Variants in ANKRD26 observed in about 807,000 individuals in gnomAD.
ANKRD26 encodes ankyrin repeat domain 26, also known as ankyrin repeat domain-containing protein 26.
Under a neutral mutation model 208.7 loss-of-function variants are expected in ANKRD26, and 141 were observed. The ratio of observed to expected loss-of-function variants is 0.68; its 90% confidence interval spans 0.59 to 0.78. The LOEUF (loss-of-function observed/expected upper bound fraction) is 0.78, where lower values mean the gene tolerates loss of function less well. Ranked by LOEUF, ANKRD26 falls within the 30% of genes least tolerant of loss-of-function variation. The pLI, the probability that ANKRD26 is intolerant of heterozygous loss-of-function variation, is 0.00. For missense variants in ANKRD26, 1,889 were observed against 1,938.7 expected (o/e 0.97, Z 0.48); for synonymous variants, 636 against 660.4 (o/e 0.96, Z 0.57).
At chr10:27,071,078 G>GT (rs2055469160) in intron 9 of ANKRD26, among the ~76,000 whole-genome samples, 1 of 151,222 alleles carries the variant, frequency 6.6e-6, no homozygotes, top group Admixed American at 6.6e-5. Context: ...TGGTGTATGC[G>GT]TATGTGTCCA....
intron 11 of ANKRD26, 81 bp downstream of exon 11, chr10:27,066,406 G>C: frequency 8.8e-7 from 1 of 1,135,274 alleles, no homozygotes. Context: ...AGGTAAAAAA[G>C]TCAAGTCAAA....
At chr10:26,974,130 A>T (rs2052189407) in exon 6 of ANKRD26, among the ~76,000 whole-genome samples, 1 of 152,094 alleles carries the variant, frequency 6.6e-6, no homozygotes, top group African/African-American at 2.4e-5. Context: ...AATAAGACCT[A>T]AATTGAATAT....
Position 27,082,800 on chromosome 10 carries a change from T to G in ANKRD26, c.740+3A>C. ...ATATTTTTAAAAATCTGTAAAATAC[T>G]ACCTGCTTAAGGAGTCTTCAGAGCT... On this transcript the variant is annotated splice_donor_region_variant and intron_variant, in intron 6 of 33. Coordinates refer to ENST00000376087, the MANE Select transcript of ANKRD26 (RefSeq NM_014915.3). 1 of 1,584,574 alleles carries G rather than the reference T, an allele frequency of 6.3e-7. No individual in the cohort carries two copies. The highest frequency in any genetic ancestry group is 1.1e-5 in the South Asian group (1 of 87,360).
At chr10:26,991,164 C>T (rs1413264207), downstream of ANKRD26, among the ~76,000 whole-genome samples, 3 of 152,184 alleles carry the variant, frequency 2.0e-5, no homozygotes, top group Non-Finnish European at 2.9e-5. Context: ...CTCAGCAAAT[C>T]GTCCCATCGT....
intron 28 of ANKRD26, among the ~76,000 whole-genome samples, chr10:27,024,040 A>C (rs2053581110): frequency 6.6e-6 from 1 of 151,972 alleles, no homozygotes; most frequent in Admixed American, 6.6e-5. Context: ...AGCTAAATCA[A>C]GATAATTTTT....
chr10:27,084,510 C>A (rs2056043615), intron 5 of ANKRD26, among the ~76,000 whole-genome samples: 1 of 152,116 alleles, frequency 6.6e-6, no homozygotes, highest in Admixed American at 6.5e-5. Flanking sequence ...TGTCTTCATG[C>A]AGTTCAGATT....
intron 21 of ANKRD26, among the ~76,000 whole-genome samples, chr10:27,038,494 AC>A (rs1186882965): frequency 1.3e-5 from 2 of 152,010 alleles, no homozygotes; most frequent in Non-Finnish European, 2.9e-5. Context: ...TACTAAAAAT[AC>A]AAAAAATTAG....
chr10:27,056,462 C>A (rs1353138337), intron 15 of ANKRD26, among the ~76,000 whole-genome samples: 3 of 151,710 alleles, frequency 2.0e-5, no homozygotes, highest in Non-Finnish European at 4.4e-5. Flanking sequence ...ACAGGTGTGA[C>A]CCAGCCAAAA....
chr10:26,975,402 C>CTTTTTTTT (rs60226106), exon 6 of ANKRD26, among the ~76,000 whole-genome samples: 20,437 of 88,826 alleles, frequency 0.23, 3,769 homozygotes, highest in African/African-American at 0.42. Context: ...CTAATTTTTG[C>CTTTTTTTT]TTTTTTTTTT....
chr10:27,024,478 T>G lies in ANKRD26; in HGVS notation c.4054A>C (p.Lys1352Gln). Residue 1352 changes from lysine (K) to glutamine (Q), a missense_variant, in exon 28 of 34, where the codon AAA becomes CAA. Around this residue, in one of 3 missense-constraint regions of ANKRD26, gnomAD observed 613 missense variants for 648.2 expected, o/e 0.95. Transcript: ENST00000376087. ...ATCTCTCTTTCTAATTCAACATTTT[T>G]CTTCATTTCTTGATCCAAATTACAT... ...LECNLDQEMK[K>Q]NVELEREITG... 1 of 1,563,652 alleles carries G rather than the reference T, an allele frequency of 6.4e-7. No individual in the cohort carries two copies. The highest frequency in any genetic ancestry group is 8.8e-7 in the Non-Finnish European group (1 of 1,138,174).
intron 23 of ANKRD26, 70 bp downstream of exon 23, chr10:27,037,116 T>C: frequency 6.6e-7 from 1 of 1,517,274 alleles, no homozygotes; most frequent in Non-Finnish European, 9.0e-7. Flanking sequence ...TATAGTTGGT[T>C]TTTAAAATAT....
chr10:27,046,975 T>C (rs749296067), intron 17 of ANKRD26, among the ~76,000 whole-genome samples: 3 of 151,954 alleles, frequency 2.0e-5, no homozygotes, highest in Non-Finnish European at 2.9e-5. Context: ...AGATGTTTCC[T>C]AGGAACTTGA....
chr10:27,089,518 A>G (rs1042313264), intron 4 of ANKRD26, among the ~76,000 whole-genome samples: 1 of 152,248 alleles, frequency 6.6e-6, no homozygotes, highest in African/African-American at 2.4e-5. Context: ...CCGGTTGGAC[A>G]CAGTGGCTCA....
At position 27,035,413 on chromosome 10, in the gene ANKRD26, A is replaced by G. The variant is rs755197831; in HGVS notation, c.3037T>C (p.Leu1013=). 10 of 1,613,936 alleles carry G rather than the reference A, an allele frequency of 6.2e-6. No individual in the cohort carries two copies. In the South Asian group the frequency reaches 6.6e-5, roughly 11 times the overall value. The change falls in exon 24 of 34, where the codon TTG becomes CTG. Residue 1013 remains leucine, a synonymous_variant. Transcript: ENST00000376087. ...EAEVESYHSR[L]AAAIHDRDQS... is the part of the protein sequence containing the mutation. ...TCACGATCATGTATAGCAGCAGCCAATCTAGAATGGTATGATTCAACTTCT... is the reference window on the plus strand; with the variant it reads ...TCACGATCATGTATAGCAGCAGCCAGTCTAGAATGGTATGATTCAACTTCT...
Position 27,027,987 on chromosome 10 carries a change from A to G in ANKRD26, c.3972+865T>C, listed in dbSNP as rs527710189. 2.0e-5 allele frequency among the ~76,000 whole-genome samples: 3 copies of G among 152,326 alleles called. No homozygotes were observed. In the South Asian group the frequency reaches 6.2e-4, roughly 32 times the overall value. On this transcript the variant is annotated intron_variant, in intron 27 of 33. Coordinates refer to ENST00000376087, the MANE Select transcript of ANKRD26 (RefSeq NM_014915.3). The stretch of plus-strand genomic sequence containing the variant: ...TATTATAAGATAGACTTTGTGTTAG[A>G]TGATTTTGTCCAACTGTAGGCTAAT...
chr10:27,042,530 G>A (rs913317875), intron 20 of ANKRD26, among the ~76,000 whole-genome samples: 2 of 152,016 alleles, frequency 1.3e-5, no homozygotes, highest in Non-Finnish European at 2.9e-5. Context: ...AAGGCGGGTG[G>A]ATCCGGAGGT....
At chr10:27,086,427 G>A (rs2056117415) in intron 5 of ANKRD26, 112 bp downstream of exon 5, 5 of 1,352,090 alleles carry the variant, frequency 3.7e-6, no homozygotes, top group African/African-American at 1.5e-5. Context: ...AAATACACAT[G>A]CACCTTATAC....
At chr10:26,963,902 G>GTTTTTT in the ANKRD26 span, among the ~76,000 whole-genome samples, 8 of 66,970 alleles carry the variant, frequency 1.2e-4, 1 homozygote, top group Non-Finnish European at 2.1e-4. Flanking sequence ...ATGGTTGGTT[G>GTTTTTT]GTTTTTTTTT....
chr10:27,047,698 ATAATAC>A (rs1346335534), intron 17 of ANKRD26, among the ~76,000 whole-genome samples: 11 of 136,002 alleles, frequency 8.1e-5, no homozygotes, highest in African/African-American at 2.0e-4. Context: ...AAAAACTGTA[ATAATAC>A]TACTACTACT....
Sources: gnomAD v4.1 joint callset for allele counts (sites outside exome capture counted in the v4.1 genomes callset) on GRCh38, gnomAD v4.1.1 for gene constraint, gnomAD v4.1.1 regional missense constraint, MANE v1.5 for transcripts, NCBI Gene and HGNC (gene_info 2026-07-23, HGNC 2026-07-21) for gene names.